Variants in EDNRA observed in about 807,000 individuals in gnomAD.
EDNRA encodes the protein endothelin-1 receptor.
A neutral mutation model predicts 41.4 loss-of-function variants in EDNRA; 11 were observed. The ratio of observed to expected loss-of-function variants is 0.27; its 90% CI spans 0.17 to 0.44. EDNRA has a LOEUF of 0.44. Among genes scored for constraint, EDNRA ranks in the 20% least tolerant of loss-of-function variants. The pLI is 1.00. For missense variants in EDNRA, 294 were observed against 531.0 expected (o/e 0.55, Z 4.39); for synonymous variants, 172 against 183.0 (o/e 0.94, Z 0.49).
chr4:147,496,607 A>C (rs1406897568), intron 2 of EDNRA, among the ~76,000 whole-genome samples: 1 of 152,140 alleles, frequency 6.6e-6, no homozygotes, highest in African/African-American at 2.4e-5. Context: ...CCCCTAAGCC[A>C]CTCACTTTCC....
intron 2 of EDNRA, chr4:147,489,273 A>C (rs1306086383): frequency 6.6e-6 from 1 of 152,170 alleles, no homozygotes; most frequent in African/African-American, 2.4e-5. Context: ...AATAATATAC[A>C]TTGTACCCAC....
intron 2 of EDNRA, chr4:147,496,056 A>G (rs1255435732): frequency 1.3e-5 from 2 of 152,258 alleles, no homozygotes; most frequent in African/African-American, 4.8e-5. Flanking sequence ...AACATTATTG[A>G]ACATTTTTTC....
intron 4 of EDNRA, among the ~76,000 whole-genome samples, chr4:147,535,472 C>T (rs997239587): frequency 2.6e-5 from 4 of 152,076 alleles, no homozygotes; most frequent in South Asian, 2.1e-4. Flanking sequence ...GTAAAGCAGG[C>T]GCTAACAAAA....
At chr4:147,509,727 G>A (rs1264329125) in intron 2 of EDNRA, among the ~76,000 whole-genome samples, 2 of 151,930 alleles carry the variant, frequency 1.3e-5, no homozygotes, top group African/African-American at 4.8e-5. Context: ...CATTCCTTAT[G>A]AGAATCTAAC....
At chr4:147,539,760 G>A (rs1731034183) in intron 5 of EDNRA, 57 bp from the exon 6 acceptor site, 1 of 1,565,038 alleles carries the variant, frequency 6.4e-7, no homozygotes, top group Non-Finnish European at 8.6e-7. Context: ...TGTAGTTCTT[G>A]CATCTAGTAT....
chr4:147,505,696 TG>T (rs1207958002), intron 2 of EDNRA, among the ~76,000 whole-genome samples: 1 of 141,754 alleles, frequency 7.1e-6, no homozygotes, highest in East Asian at 2.2e-4. Context: ...TTGCCCAGAC[TG>T]GAGTGCAGTG....
At position 147,543,763 on chromosome 4, in the gene EDNRA, A is replaced by G. The variant is rs1235988257; in HGVS notation, c.*1145A>G. ...TTTCCATATAGGAAACATAATTTTG[A>G]AGTGGCCAGATGAGTTTATCATGTC... is the stretch of plus-strand genomic sequence containing the variant. On this transcript the variant is annotated 3_prime_UTR_variant, in exon 8 of 8. Transcript: ENST00000651419. 1 of 152,600 alleles carries G rather than the reference A, an allele frequency of 6.6e-6. No homozygotes were observed. Among genetic ancestry groups the G allele is most frequent in the Non-Finnish European group, 1.5e-5 (1 of 68,034 alleles). 9.5% of individuals were successfully genotyped at this position (152,600 alleles called of 1,614,324 possible).
At chr4:147,539,523 C>T (rs1731027041) in intron 5 of EDNRA, among the ~76,000 whole-genome samples, 2 of 152,048 alleles carry the variant, frequency 1.3e-5, no homozygotes, top group African/African-American at 4.8e-5. Flanking sequence ...GCTGGCTCAC[C>T]TCCAGCCAGT....
chr4:147,498,059 TATC>T (rs1729376860), intron 2 of EDNRA, among the ~76,000 whole-genome samples: 1 of 152,222 alleles, frequency 6.6e-6, no homozygotes, highest in Non-Finnish European at 1.5e-5. Context: ...TTTATCTTAA[TATC>T]ATCAGCAAAA....
At chr4:147,532,728 A>C in intron 4 of EDNRA, 24 bp downstream of exon 4, 1 of 1,611,216 alleles carries the variant, frequency 6.2e-7, no homozygotes, top group Non-Finnish European at 8.5e-7. Flanking sequence ...AAAAGGAATT[A>C]ACTGGGGAAG....
chr4:147,522,559 T>A (rs961689825), intron 3 of EDNRA, among the ~76,000 whole-genome samples: 4 of 151,084 alleles, frequency 2.6e-5, no homozygotes, highest in Non-Finnish European at 4.4e-5. Flanking sequence ...AAAAAAAAAA[T>A]TAGTTTATGT....
intron 3 of EDNRA, among the ~76,000 whole-genome samples, chr4:147,531,218 T>G (rs1274153700): frequency 6.6e-6 from 1 of 152,260 alleles, no homozygotes; most frequent in Non-Finnish European, 1.5e-5. Flanking sequence ...TGTTATATAC[T>G]CTGTTTGAAC....
At chr4:147,502,305 G>A (rs1009127897) in intron 2 of EDNRA, among the ~76,000 whole-genome samples, 3 of 152,010 alleles carry the variant, frequency 2.0e-5, no homozygotes, top group Non-Finnish European at 2.9e-5. Flanking sequence ...GATTGTCAGT[G>A]GATTCTATAC....
chr4:147,541,761 G>A (rs573025650), intron 7 of EDNRA, among the ~76,000 whole-genome samples: 35 of 152,138 alleles, frequency 2.3e-4, no homozygotes, highest in Non-Finnish European at 4.6e-4. Flanking sequence ...TCTTGGAAAT[G>A]TTTGCCAGTC....
chr4:147,511,063 C>T (rs1729901540), intron 2 of EDNRA, among the ~76,000 whole-genome samples: 1 of 152,234 alleles, frequency 6.6e-6, no homozygotes, highest in African/African-American at 2.4e-5. Context: ...AGACTGGAAG[C>T]CAGCATTTCT....
chr4:147,536,067 G>C, intron 5 of EDNRA, 38 bp downstream of exon 5: 1 of 1,611,068 alleles, frequency 6.2e-7, no homozygotes. Context: ...GGCCAGGACT[G>C]GTTAGTCCTT....
intron 2 of EDNRA, among the ~76,000 whole-genome samples, chr4:147,498,439 G>A (rs756016254): frequency 1.6e-4 from 24 of 152,108 alleles, no homozygotes; most frequent in African/African-American, 5.8e-4. Context: ...TGCTTGATTC[G>A]CTCACCCAGG....
intron 2 of EDNRA, chr4:147,491,442 A>G (rs1440658074): frequency 1.3e-5 from 2 of 152,210 alleles, no homozygotes; most frequent in Non-Finnish European, 2.9e-5. Context: ...TACAGATTAG[A>G]TACCTCAAGC....
rs999331696 is a variant in EDNRA, at chr4:147,481,218, G to C, written c.-229G>C. ...CCCCGGGAGAAGCAGTGCCCAGGAG[G>C]TTTTCTGAAGCCGGGGAAGCTGTGC... On this transcript the variant is annotated 5_prime_UTR_variant, in exon 1 of 8. Coordinates refer to ENST00000651419, the MANE Select transcript of EDNRA (RefSeq NM_001957.4). 1 of 152,930 alleles carries C rather than the reference G, an allele frequency of 6.5e-6. No homozygotes were observed. Among genetic ancestry groups the C allele is most frequent in the Middle Eastern group, 3.4e-3 (1 of 294 alleles). The allele number at this position is 152,930 out of a possible 1,614,324, so 9.5% of individuals were successfully genotyped here.
Sources: gnomAD v4.1 joint callset for allele counts (sites outside exome capture counted in the v4.1 genomes callset) on GRCh38, gnomAD v4.1.1 for gene constraint, MANE v1.5 for transcripts, NCBI Gene and HGNC (gene_info 2026-07-23, HGNC 2026-07-21) for gene names.